LY86: variants seen among roughly 807,000 people sequenced by gnomAD.
The protein encoded by LY86 is lymphocyte antigen 86, also known as MD-1, RP105-associated.
A neutral mutation model predicts 17.3 loss-of-function variants in LY86; 20 were observed. The observed-to-expected ratio is 1.15, with a 90% confidence interval of 0.81 to 1.68. LY86 has a LOEUF of 1.68. Among genes scored for constraint, LY86 ranks in the 40% most tolerant of loss-of-function variants. LY86 has a pLI of 0.00. For synonymous variants in LY86, 74 were observed against 70.6 expected, an observed-to-expected ratio of 1.05 and a Z score of -0.24; for missense variants, 200 against 191.9, an observed-to-expected ratio of 1.04 and a Z score of -0.25.
rs563460848 is a variant in LY86, at chr6:6,644,975, A to G, written c.353-4650A>G. Among the ~76,000 whole-genome samples the G allele has an allele frequency of 1.4e-4, 22 of 152,328 alleles. No individual in the cohort carries two copies. The South Asian group carries it at 2.3e-3, about 16-fold the overall frequency. Reference sequence around the variant, plus strand: ...TTCATGAGCCCCCAAAAAAGCTCCAATTGAAACTGTAAACTGTAAGAGACC... The same window carrying G: ...TTCATGAGCCCCCAAAAAAGCTCCAGTTGAAACTGTAAACTGTAAGAGACC... On this transcript the variant is annotated intron_variant, in intron 3 of 4. Coordinates refer to ENST00000230568, the MANE Select transcript of LY86 (RefSeq NM_004271.4).
At chr6:6,629,867 T>A (rs1761872823) in intron 3 of LY86, among the ~76,000 whole-genome samples, 1 of 152,214 alleles carries the variant, frequency 6.6e-6, no homozygotes, top group African/African-American at 2.4e-5. Context: ...AAGTAGGTCA[T>A]TATTCAGCCA....
At chr6:6,592,461 T>A (rs761672682) in intron 1 of LY86, among the ~76,000 whole-genome samples, 31 of 152,078 alleles carry the variant, frequency 2.0e-4, no homozygotes, top group Non-Finnish European at 4.1e-4. Context: ...CACGAAGATG[T>A]GAGGAGATGA....
intron 1 of LY86, among the ~76,000 whole-genome samples, chr6:6,589,420 C>G (rs550016382): frequency 6.6e-6 from 1 of 152,348 alleles, no homozygotes; most frequent in Admixed American, 6.5e-5. Context: ...CAGGGTTTCT[C>G]AGTGCTAGAG....
At chr6:6,619,718 C>T (rs1761631546) in intron 1 of LY86, among the ~76,000 whole-genome samples, 1 of 152,154 alleles carries the variant, frequency 6.6e-6, no homozygotes, top group Non-Finnish European at 1.5e-5. Flanking sequence ...GTAATGTGGG[C>T]CACAGGGAAT....
At chr6:6,611,958 A>G (rs1047895959) in intron 1 of LY86, among the ~76,000 whole-genome samples, 2 of 151,682 alleles carry the variant, frequency 1.3e-5, no homozygotes, top group Admixed American at 1.3e-4. Flanking sequence ...TGTCCCAAGC[A>G]ATCTACTTGA....
intron 1 of LY86, among the ~76,000 whole-genome samples, chr6:6,601,548 C>G (rs1041782532): frequency 6.6e-6 from 1 of 152,088 alleles, no homozygotes; most frequent in African/African-American, 2.4e-5. Context: ...CAGTGAAACC[C>G]TGTCTCTACT....
At chr6:6,641,530 G>A (rs1371958168) in intron 3 of LY86, among the ~76,000 whole-genome samples, 1 of 152,224 alleles carries the variant, frequency 6.6e-6, no homozygotes, top group African/African-American at 2.4e-5. Flanking sequence ...CCCAGAGTGT[G>A]AGATTCAGAG....
At chr6:6,597,090 G>A (rs1409914081) in intron 1 of LY86, among the ~76,000 whole-genome samples, 1 of 152,204 alleles carries the variant, frequency 6.6e-6, no homozygotes, top group African/African-American at 2.4e-5. Context: ...AGCTATTTTT[G>A]TAGAAACTAC....
intron 1 of LY86, among the ~76,000 whole-genome samples, chr6:6,590,166 C>T (rs1288251412): frequency 6.9e-6 from 1 of 144,194 alleles, no homozygotes; most frequent in Non-Finnish European, 1.5e-5. Context: ...CATACAGTCA[C>T]ATTCTAAGAT....
At chr6:6,613,231 T>TG (rs398093972) in intron 1 of LY86, among the ~76,000 whole-genome samples, 5 of 97,526 alleles carry the variant, frequency 5.1e-5, no homozygotes, top group South Asian at 3.9e-4. Context: ...GATCCGGCAC[T>TG]AGGGCCGCAG....
At chr6:6,593,664 C>G (rs1760601968) in intron 1 of LY86, among the ~76,000 whole-genome samples, 1 of 152,194 alleles carries the variant, frequency 6.6e-6, no homozygotes, top group Non-Finnish European at 1.5e-5. Flanking sequence ...GAAGCCAAAT[C>G]AAACAAGGAC....
At chr6:6,606,195 AG>A (rs1307299389) in intron 1 of LY86, among the ~76,000 whole-genome samples, 1 of 152,050 alleles carries the variant, frequency 6.6e-6, no homozygotes, top group Non-Finnish European at 1.5e-5. Flanking sequence ...CTAGACACAA[AG>A]GCTCTCCACC....
At chr6:6,608,466 T>G (rs1364231300) in intron 1 of LY86, among the ~76,000 whole-genome samples, 2 of 152,258 alleles carry the variant, frequency 1.3e-5, no homozygotes, top group Non-Finnish European at 2.9e-5. Context: ...GTTTCCACTT[T>G]TTTGCAATTA....
At chr6:6,627,907 T>C (rs1379632074) in intron 3 of LY86, among the ~76,000 whole-genome samples, 1 of 152,236 alleles carries the variant, frequency 6.6e-6, no homozygotes, top group Non-Finnish European at 1.5e-5. Flanking sequence ...TTAGCTTTAA[T>C]GAATGAATGA....
At chr6:6,612,247 A>G (rs1236438746) in intron 1 of LY86, among the ~76,000 whole-genome samples, 1 of 152,156 alleles carries the variant, frequency 6.6e-6, no homozygotes, top group East Asian at 1.9e-4. Flanking sequence ...TCCAGAGTTT[A>G]TTCCTTCTGA....
intron 1 of LY86, among the ~76,000 whole-genome samples, chr6:6,603,597 CAG>C (rs1561777946): frequency 1.8e-5 from 1 of 56,548 alleles, no homozygotes; most frequent in Admixed American, 2.1e-4. Context: ...AAAACAAAAA[CAG>C]AAACAGAAAA....
intron 1 of LY86, among the ~76,000 whole-genome samples, chr6:6,596,953 GT>G (rs1297155729): frequency 6.6e-6 from 1 of 152,094 alleles, no homozygotes; most frequent in Non-Finnish European, 1.5e-5. Flanking sequence ...GGCAGGAAAC[GT>G]TTTCCCAAAC....
intron 3 of LY86, among the ~76,000 whole-genome samples, chr6:6,628,498 G>C (rs576377866): frequency 6.6e-6 from 1 of 152,022 alleles, no homozygotes; most frequent in East Asian, 1.9e-4. Context: ...CTTGCTATTT[G>C]CTTTTCATCC....
chr6:6,594,242 A>AACT (rs1246148130), intron 1 of LY86, among the ~76,000 whole-genome samples: 1 of 152,224 alleles, frequency 6.6e-6, no homozygotes, highest in African/African-American at 2.4e-5. Context: ...GACACTTGCG[A>AACT]ACTAGAGCCC....
Sources: allele counts gnomAD v4.1 joint callset (sites outside exome capture counted in the v4.1 genomes callset), GRCh38; gene constraint gnomAD v4.1.1; transcripts MANE v1.5; gene names NCBI Gene and HGNC (gene_info 2026-07-23, HGNC 2026-07-21).